PATJ: variants seen among roughly 807,000 people sequenced by gnomAD.
PATJ encodes inaD-like protein.
PATJ carries 190 observed loss-of-function variants against 224.9 expected under a neutral mutation model. That is an observed-to-expected ratio of 0.84 (90% confidence interval 0.75 to 0.95). PATJ has a LOEUF of 0.95. Ranked by LOEUF, PATJ falls within the 40% of genes least tolerant of loss-of-function variation. The probability of loss-of-function intolerance (pLI) is 0.00; values close to 1 mark genes in which losing one functional copy is unlikely to be tolerated. For synonymous variants in PATJ, 769 were observed against 820.3 expected, an observed-to-expected ratio of 0.94 and a Z score of 1.07; for missense variants, 2,121 against 2,270.3, an observed-to-expected ratio of 0.93 and a Z score of 1.34.
At chr1:62,060,108 A>G (rs1035644790) in intron 31 of PATJ, among the ~76,000 whole-genome samples, 1 of 152,196 alleles carries the variant, frequency 6.6e-6, no homozygotes, top group Non-Finnish European at 1.5e-5. Flanking sequence ...TGATAGAAAC[A>G]GCAATAATAA....
chr1:61,774,884 C>T (rs1646829510), intron 6 of PATJ, among the ~76,000 whole-genome samples: 1 of 152,054 alleles, frequency 6.6e-6, no homozygotes, highest in Admixed American at 6.6e-5. Flanking sequence ...TGTGCTGGGC[C>T]CTGTGCTGGA....
At chr1:62,025,956 T>A (rs1647807010) in intron 29 of PATJ, among the ~76,000 whole-genome samples, 1 of 152,190 alleles carries the variant, frequency 6.6e-6, no homozygotes, top group African/African-American at 2.4e-5. Context: ...ATGAGCCACC[T>A]TTTCCTCGGC....
At chr1:61,899,768 T>G in intron 23 of PATJ, 114 bp downstream of exon 23, 1 of 658,974 alleles carries the variant, frequency 1.5e-6, no homozygotes, top group Non-Finnish European at 2.5e-6. Context: ...ATTGCGATAA[T>G]TCACCTGTAA....
chr1:61,988,972 G>C (rs1459999118), intron 27 of PATJ, among the ~76,000 whole-genome samples: 1 of 152,212 alleles, frequency 6.6e-6, no homozygotes, highest in Non-Finnish European at 1.5e-5. Flanking sequence ...TTATTTAAAA[G>C]CTGATGAGAT....
At chr1:61,812,354 TAGAGAGAGAGAGAGAGAGAGAG>T (rs71050165) in intron 14 of PATJ, among the ~76,000 whole-genome samples, 16 of 111,742 alleles carry the variant, frequency 1.4e-4, no homozygotes, top group African/African-American at 3.5e-4. Context: ...GGGGAGGGAA[TAGAGAGAGAGAGAGAGAGAGAG>T]AGAGAGAGAG....
At chr1:62,083,388 A>C (rs1333830491) in intron 32 of PATJ, among the ~76,000 whole-genome samples, 1 of 152,204 alleles carries the variant, frequency 6.6e-6, no homozygotes, top group East Asian at 1.9e-4. Flanking sequence ...GATCAGCCTC[A>C]CAAAGTGCTG....
chr1:61,899,206 C>A (rs569122079), intron 22 of PATJ, among the ~76,000 whole-genome samples: 8 of 152,228 alleles, frequency 5.3e-5, no homozygotes, highest in African/African-American at 1.7e-4. Context: ...ATCTATGATA[C>A]ATGTTGATTT....
chr1:61,832,289 A>G (rs999327354), intron 16 of PATJ, among the ~76,000 whole-genome samples: 3 of 151,970 alleles, frequency 2.0e-5, no homozygotes, highest in Admixed American at 6.6e-5. Context: ...ATTTACCCAT[A>G]TAACAAACCT....
At chr1:61,997,706 T>C (rs1645448673) in intron 28 of PATJ, among the ~76,000 whole-genome samples, 1 of 151,982 alleles carries the variant, frequency 6.6e-6, no homozygotes, top group Admixed American at 6.6e-5. Flanking sequence ...TATCCAGTAC[T>C]AGTTTAAAAC....
intron 29 of PATJ, among the ~76,000 whole-genome samples, chr1:62,026,788 T>C (rs931794988): frequency 2.6e-5 from 4 of 152,314 alleles, no homozygotes; most frequent in Non-Finnish European, 5.9e-5. Flanking sequence ...CTTTTCTTGC[T>C]CAGGTAATTT....
chr1:61,754,865 G>C (rs1290506022), intron 1 of PATJ, among the ~76,000 whole-genome samples: 3 of 151,818 alleles, frequency 2.0e-5, no homozygotes, highest in African/African-American at 7.3e-5. Context: ...TTCAAATACA[G>C]CCTGGGCAAC....
intron 14 of PATJ, among the ~76,000 whole-genome samples, chr1:61,813,500 G>C (rs1464684319): frequency 6.6e-6 from 1 of 151,384 alleles, no homozygotes; most frequent in Non-Finnish European, 1.5e-5. Context: ...AAACTCACTA[G>C]TACATTTGGC....
At chr1:61,760,687 G>A (rs1645917517) in intron 1 of PATJ, among the ~76,000 whole-genome samples, 1 of 148,060 alleles carries the variant, frequency 6.8e-6, no homozygotes. Context: ...CATGAGCTCA[G>A]CTCACTGCAA....
chr1:61,810,917 T>G (rs1023285754), intron 14 of PATJ, among the ~76,000 whole-genome samples: 1 of 152,010 alleles, frequency 6.6e-6, no homozygotes, highest in African/African-American at 2.4e-5. Context: ...AGAGGGAAAC[T>G]CCGTCTCAAA....
chr1:62,059,641 A>G (rs1437518390), intron 31 of PATJ, among the ~76,000 whole-genome samples: 3 of 152,100 alleles, frequency 2.0e-5, no homozygotes, highest in Admixed American at 6.6e-5. Flanking sequence ...TTGGTTAGAT[A>G]CTTTGTCAAT....
chr1:62,106,523 G>A (rs1663071179), intron 33 of PATJ, among the ~76,000 whole-genome samples: 1 of 151,964 alleles, frequency 6.6e-6, no homozygotes, highest in African/African-American at 2.4e-5. Context: ...GTGTGGGTGT[G>A]AGTGTGGGTA....
chr1:61,862,436 A>G (rs1664761206), intron 19 of PATJ, among the ~76,000 whole-genome samples: 1 of 152,144 alleles, frequency 6.6e-6, no homozygotes, highest in African/African-American at 2.4e-5. Context: ...ACCTCAGGTG[A>G]TGTGCCCACC....
intron 1 of PATJ, among the ~76,000 whole-genome samples, chr1:61,744,860 T>C (rs1298475786): frequency 6.6e-6 from 1 of 152,152 alleles, no homozygotes; most frequent in African/African-American, 2.4e-5. Context: ...AAATTGGGAA[T>C]CCCATAACTC....
rs946683900 is a variant in PATJ at position 61,848,207 on chromosome 1, G to A, written c.2113-7823G>A. ...TGTGAGGAAACTGACTCAGAGAAAC[G>A]AAGACACTCGTGAAACTCTACACAT... On this transcript the variant is annotated intron_variant, in intron 17 of 43. Transcript: ENST00000642238. 3.3e-5 allele frequency among the ~76,000 whole-genome samples: 5 copies of A among 152,138 alleles called. No homozygotes were observed. The East Asian group carries it at 5.8e-4, about 18-fold the overall frequency.
Sources: allele counts gnomAD v4.1 joint callset (sites outside exome capture counted in the v4.1 genomes callset), GRCh38; gene constraint gnomAD v4.1.1; transcripts MANE v1.5; gene names NCBI Gene and HGNC (gene_info 2026-07-23, HGNC 2026-07-21).